The following SRRM4 variants were observed in gnomAD, a reference collection of about 807,000 sequenced individuals.
SRRM4 encodes the protein serine/arginine repetitive matrix protein 4.
A neutral mutation model predicts 68.9 loss-of-function variants in SRRM4; 33 were observed. The observed-to-expected ratio is 0.48, with a 90% CI of 0.36 to 0.64. SRRM4 has a LOEUF of 0.64. Ranked by LOEUF, SRRM4 falls within the 30% of genes least tolerant of loss-of-function variation. The pLI is 0.00. For missense variants in SRRM4, 817 were observed against 827.1 expected (o/e 0.99, Z 0.15); for synonymous variants, 318 against 318.8 (o/e 1.00, Z 0.03).
intron 1 of SRRM4, among the ~76,000 whole-genome samples, chr12:118,997,471 T>C (rs531251208): frequency 1.3e-5 from 2 of 152,164 alleles, no homozygotes; most frequent in South Asian, 4.1e-4. Flanking sequence ...TCTCTCTCTC[T>C]CCCTTCTCCC....
chr12:119,109,898 GCTCT>G (rs1392795057), intron 2 of SRRM4, among the ~76,000 whole-genome samples: 2 of 152,180 alleles, frequency 1.3e-5, no homozygotes, highest in Non-Finnish European at 2.9e-5. Context: ...AGGAGAAGAG[GCTCT>G]CTGATTTTTA....
intron 1 of SRRM4, chr12:119,001,828 CA>C (rs1225588683): frequency 4.6e-5 from 7 of 151,946 alleles, no homozygotes; most frequent in Admixed American, 1.3e-4. Context: ...ATAAAATAAA[CA>C]AAAATTAACC....
intron 1 of SRRM4, among the ~76,000 whole-genome samples, chr12:119,051,664 C>T (rs183493370): frequency 2.1e-4 from 32 of 152,278 alleles, no homozygotes; most frequent in Middle Eastern, 3.4e-3. Flanking sequence ...TTGGCCTTCA[C>T]GTTGCACTGA....
intron 1 of SRRM4, among the ~76,000 whole-genome samples, chr12:119,017,680 G>A (rs1256043688): frequency 1.3e-5 from 2 of 152,150 alleles, no homozygotes; most frequent in Non-Finnish European, 2.9e-5. Flanking sequence ...CATTGCGGGG[G>A]CAGTCGAGAG....
chr12:118,983,070 A>G (rs1387680860), intron 1 of SRRM4, among the ~76,000 whole-genome samples: 2 of 152,178 alleles, frequency 1.3e-5, no homozygotes, highest in South Asian at 4.2e-4. Flanking sequence ...GGCAGTCTGC[A>G]TTAGGGAGCA....
chr12:119,154,854 TA>T lies in SRRM4; in HGVS notation c.1532+472del, dbSNP rs936972358. Among the ~76,000 whole-genome samples the T allele has an allele frequency of 3.9e-5, 6 of 152,272 alleles. No individual in the cohort carries two copies. The highest frequency in any genetic ancestry group is 1.2e-4 in the African/African-American group (5 of 41,556). On this transcript the variant is annotated intron_variant, in intron 12 of 12. Transcript: ENST00000267260. This position sits in a 1 kb window ranked among gnomAD's most constrained non-coding sequence, Gnocchi z 4.7. ...AGGCTTAAATAAACCTATATGTAAT[TA>T]TACCTTGAACCAAGTGTGGAAAGGA...
chr12:118,990,460 G>A (rs1953309525), intron 1 of SRRM4, among the ~76,000 whole-genome samples: 1 of 152,196 alleles, frequency 6.6e-6, no homozygotes, highest in Non-Finnish European at 1.5e-5. Context: ...TTAATTCAGT[G>A]TGCCCATGAT....
intron 1 of SRRM4, among the ~76,000 whole-genome samples, chr12:119,064,401 G>A (rs894188205): frequency 6.6e-6 from 1 of 152,152 alleles, no homozygotes; most frequent in Non-Finnish European, 1.5e-5. Flanking sequence ...ATTTACAATA[G>A]CCAAAAAATG....
Position 119,102,331 on chromosome 12 carries a change from G to T in SRRM4, c.227G>T (p.Ser76Ile), listed in dbSNP as rs150353576. Residue 76 changes from serine to isoleucine, a missense_variant, in exon 2 of 13, where the codon AGT becomes ATT. Coordinates refer to ENST00000267260, the MANE Select transcript of SRRM4 (RefSeq NM_194286.4). ...GCCACCGAGCCCTTGGGCACCAACAGTTGGGAGAGAGACAAGACCTGTCGG... is the reference window on the plus strand; with the variant it reads ...GCCACCGAGCCCTTGGGCACCAACATTTGGGAGAGAGACAAGACCTGTCGG... ...HLATEPLGTN[S>I]WERDKTCREL... is the part of the protein sequence containing the mutation. 5 of 1,613,582 alleles carry T rather than the reference G, an allele frequency of 3.1e-6. No individual in the cohort carries two copies. The South Asian group carries it at 4.4e-5, about 14-fold the overall frequency.
intron 6 of SRRM4, among the ~76,000 whole-genome samples, chr12:119,122,695 A>G (rs10774486): frequency 0.23 from 35,257 of 152,078 alleles, 4,915 homozygotes; most frequent in Non-Finnish European, 0.3. Flanking sequence ...TATACATAGG[A>G]CACACTAAAT....
chr12:119,038,727 A>G (rs1026106365), intron 1 of SRRM4, among the ~76,000 whole-genome samples: 1 of 151,832 alleles, frequency 6.6e-6, no homozygotes, highest in African/African-American at 2.4e-5. Context: ...CTTCATTTTC[A>G]TGTCTTCATG....
chr12:119,095,700 C>A (rs76372269), intron 1 of SRRM4, among the ~76,000 whole-genome samples: 6,219 of 152,152 alleles, frequency 0.041, 198 homozygotes, highest in East Asian at 0.095. Flanking sequence ...CAGAGCCTCT[C>A]CAAACACATA....
At chr12:119,026,294 A>C (rs1953547628) in intron 1 of SRRM4, among the ~76,000 whole-genome samples, 1 of 151,950 alleles carries the variant, frequency 6.6e-6, no homozygotes, top group Non-Finnish European at 1.5e-5. Context: ...GATAATATTG[A>C]CCTAGACTTG....
chr12:119,077,863 A>G (rs1031028178), intron 1 of SRRM4, among the ~76,000 whole-genome samples: 1 of 152,146 alleles, frequency 6.6e-6, no homozygotes, highest in Non-Finnish European at 1.5e-5. Context: ...GAGTGATTTT[A>G]GGGGAACTTT....
At chr12:119,032,225 A>G (rs1953596579) in intron 1 of SRRM4, among the ~76,000 whole-genome samples, 1 of 152,120 alleles carries the variant, frequency 6.6e-6, no homozygotes, top group Non-Finnish European at 1.5e-5. Flanking sequence ...TCTTGTTGGT[A>G]TGGAAGGGAA....
chr12:119,085,652 T>C (rs1459574200), intron 1 of SRRM4, among the ~76,000 whole-genome samples: 2 of 152,298 alleles, frequency 1.3e-5, no homozygotes, highest in African/African-American at 2.4e-5. Flanking sequence ...CACAAGAGAA[T>C]AACATGATCC....
At chr12:119,142,881 G>C (rs935662969) in intron 8 of SRRM4, among the ~76,000 whole-genome samples, 16 of 152,178 alleles carry the variant, frequency 1.1e-4, no homozygotes, top group African/African-American at 3.9e-4. Context: ...CCAGAGTTGA[G>C]AAAGATGTGG....
At chr12:119,124,635 C>G (rs1652658666) in intron 6 of SRRM4, among the ~76,000 whole-genome samples, 1 of 152,118 alleles carries the variant, frequency 6.6e-6, no homozygotes, top group Admixed American at 6.5e-5. Flanking sequence ...GCAGTAACAC[C>G]ACTGTTAGTG....
chr12:119,070,956 G>A (rs904491205), intron 1 of SRRM4, among the ~76,000 whole-genome samples: 1 of 152,182 alleles, frequency 6.6e-6, no homozygotes, highest in Non-Finnish European at 1.5e-5. Flanking sequence ...AACACAGCGG[G>A]GAGGTACCAG....
Sources: allele counts gnomAD v4.1 joint callset (sites outside exome capture counted in the v4.1 genomes callset), GRCh38; gene constraint gnomAD v4.1.1; non-coding constraint Gnocchi (gnomAD v3.1); transcripts MANE v1.5; gene names NCBI Gene and HGNC (gene_info 2026-07-23, HGNC 2026-07-21).